Variants in DENND2A observed in about 807,000 individuals in gnomAD.
DENND2A encodes DENN domain-containing protein 2A.
DENND2A carries 53 observed loss-of-function variants against 105.3 expected under a neutral mutation model. That is an observed-to-expected ratio of 0.50 (90% confidence interval 0.40 to 0.63). The LOEUF is 0.63. Among genes scored for constraint, DENND2A ranks in the 30% least tolerant of loss-of-function variants. DENND2A has a pLI of 0.00. For synonymous variants in DENND2A, 522 were observed against 508.4 expected (o/e 1.03, Z -0.36); for missense variants, 1,138 against 1,279.6 (o/e 0.89, Z 1.69).
intron 1 of DENND2A, among the ~76,000 whole-genome samples, chr7:140,618,010 T>A (rs1211408370): frequency 6.6e-6 from 1 of 152,228 alleles, no homozygotes; most frequent in East Asian, 1.9e-4. Flanking sequence ...TCATGCTTTT[T>A]ACCATTCTCC....
intron 5 of DENND2A, among the ~76,000 whole-genome samples, chr7:140,579,580 A>ACTC (rs1798450793): frequency 6.6e-6 from 1 of 151,854 alleles, no homozygotes; most frequent in African/African-American, 2.4e-5. Context: ...TTCAGTAGAG[A>ACTC]CGAGGTTTTG....
At chr7:140,563,931 A>G (rs1797733586) in intron 9 of DENND2A, among the ~76,000 whole-genome samples, 1 of 152,126 alleles carries the variant, frequency 6.6e-6, no homozygotes, top group South Asian at 2.1e-4. Flanking sequence ...GTGAGCTGTG[A>G]TCGTGCCACT....
rs549460458 is a variant in DENND2A, at chr7:140,622,342, G to A, written c.-247-16536C>T. 2.2e-3 allele frequency among the ~76,000 whole-genome samples: 339 copies of A among 152,054 alleles called. 3 individuals are homozygous for A. Among genetic ancestry groups the A allele is most frequent in the African/African-American group, 8.0e-3 (330 of 41,466 alleles). On this transcript the variant is annotated intron_variant, in intron 1 of 19. Coordinates refer to ENST00000496613, the MANE Select transcript of DENND2A (RefSeq NM_015689.5). ...ACCTGGGAGGCGGAGGTTGCAGTGA[G>A]CGAAGATTGCACCACTGCACTCCAG...
Position 140,573,899 on chromosome 7 carries a change from AT to A in DENND2A, c.1354del (p.Ile452SerfsTer49). 1.2e-6 allele frequency: 2 copies of A among 1,614,028 alleles called. No individual in the cohort carries two copies. The highest frequency in any genetic ancestry group is 1.7e-6 in the Non-Finnish European group (2 of 1,179,988). On this transcript the variant is annotated frameshift_variant, in exon 6 of 20. Coordinates refer to ENST00000496613, the MANE Select transcript of DENND2A (RefSeq NM_015689.5). LOFTEE classifies it high-confidence loss of function. ...GCTGCTGGGAGTGGAGGGAGGGCTG[AT>A]TTTGGAAGGGGACCCAGTTCCATCC... is the stretch of plus-strand genomic sequence containing the variant. ...SRDGTGSPSK[I>X]SPPSTPSSPD...
At chr7:140,611,644 A>G (rs1337452110) in intron 1 of DENND2A, among the ~76,000 whole-genome samples, 1 of 152,234 alleles carries the variant, frequency 6.6e-6, no homozygotes, top group Non-Finnish European at 1.5e-5. Context: ...ACATAAAGGA[A>G]TGAAGCACTG....
At chr7:140,567,298 G>C in intron 8 of DENND2A, 25 bp from the exon 9 acceptor site, 3 of 1,081,520 alleles carry the variant, frequency 2.8e-6, no homozygotes, top group East Asian at 5.5e-5. Flanking sequence ...GAGAGAGAAA[G>C]AGAGAAAGAG....
chr7:140,532,973 CAAAG>C (rs1385857122), intron 14 of DENND2A, among the ~76,000 whole-genome samples: 1 of 146,718 alleles, frequency 6.8e-6, no homozygotes, highest in East Asian at 2.0e-4. Context: ...TTTCCCAACT[CAAAG>C]AAAAGGCTAC....
At chr7:140,566,300 G>A (rs936158032) in intron 9 of DENND2A, among the ~76,000 whole-genome samples, 7 of 152,146 alleles carry the variant, frequency 4.6e-5, no homozygotes, top group Non-Finnish European at 8.8e-5. Flanking sequence ...CCAAAGTACT[G>A]GGATTACAGG....
At chr7:140,584,420 C>T (rs1032695783) in intron 5 of DENND2A, among the ~76,000 whole-genome samples, 16 of 152,054 alleles carry the variant, frequency 1.1e-4, no homozygotes, top group Admixed American at 7.9e-4. Flanking sequence ...AGAGAGAGTG[C>T]GCATGTCCCA....
intron 1 of DENND2A, among the ~76,000 whole-genome samples, chr7:140,628,011 C>T (rs1800598488): frequency 6.6e-6 from 1 of 152,042 alleles, no homozygotes; most frequent in Non-Finnish European, 1.5e-5. Context: ...AGGCTTGTCT[C>T]GAACTTGACC....
intron 12 of DENND2A, among the ~76,000 whole-genome samples, chr7:140,552,282 TTTTC>T (rs1319014747): frequency 6.6e-6 from 1 of 152,010 alleles, no homozygotes; most frequent in Non-Finnish European, 1.5e-5. Flanking sequence ...ATAGCATTCA[TTTTC>T]TTTCTTTCTT....
intron 1 of DENND2A, among the ~76,000 whole-genome samples, chr7:140,617,364 A>G (rs1437258043): frequency 2.0e-5 from 3 of 152,232 alleles, no homozygotes; most frequent in African/African-American, 7.2e-5. Context: ...GACCAGGAGC[A>G]TCAACGGAGT....
At chr7:140,616,891 T>C (rs1478256349) in intron 1 of DENND2A, among the ~76,000 whole-genome samples, 1 of 152,220 alleles carries the variant, frequency 6.6e-6, no homozygotes, top group Non-Finnish European at 1.5e-5. Context: ...AAAGTCTTGC[T>C]CTGTCACCCA....
At chr7:140,542,359 G>A (rs1192132760) in intron 14 of DENND2A, among the ~76,000 whole-genome samples, 1 of 152,034 alleles carries the variant, frequency 6.6e-6, no homozygotes, top group African/African-American at 2.4e-5. Context: ...GCCTCCTATG[G>A]GGCACTGAGT....
intron 1 of DENND2A, among the ~76,000 whole-genome samples, chr7:140,611,085 G>A (rs1324322648): frequency 6.6e-6 from 1 of 152,124 alleles, no homozygotes; most frequent in Admixed American, 6.5e-5. Context: ...CACTCCTGTT[G>A]CCCAGGCTGG....
In DENND2A at chr7:140,559,972, G is replaced by A. The variant is rs1213414215; in HGVS notation, c.1780-155C>T. ...AAGAGCTTGCAGCTCAGTCGGCTGGGGCATTTTCCCCCCAGTGCACTTCCA... is the reference window on the plus strand; with the variant it reads ...AAGAGCTTGCAGCTCAGTCGGCTGGAGCATTTTCCCCCCAGTGCACTTCCA... On this transcript the variant is annotated intron_variant, in intron 9 of 19. Transcript: ENST00000496613. This position sits in a 1 kb window ranked among gnomAD's most constrained non-coding sequence, Gnocchi z 4.1. 6.6e-6 allele frequency among the ~76,000 whole-genome samples: 1 copy of A among 152,070 alleles called. No individual in the cohort carries two copies. The highest frequency in any genetic ancestry group is 3.2e-3 in the Middle Eastern group (1 of 316).
At chr7:140,548,876 G>A (rs1797008213) in intron 12 of DENND2A, among the ~76,000 whole-genome samples, 1 of 151,846 alleles carries the variant, frequency 6.6e-6, no homozygotes. Flanking sequence ...GCTTCCCAGT[G>A]TTGGGATTAC....
chr7:140,598,023 G>GA (rs1799349413), intron 3 of DENND2A, among the ~76,000 whole-genome samples: 1 of 149,846 alleles, frequency 6.7e-6, no homozygotes, highest in Middle Eastern at 3.2e-3. Context: ...GCAAAAAAAA[G>GA]ATAGTGCAAT....
intron 1 of DENND2A, among the ~76,000 whole-genome samples, chr7:140,632,850 C>A: frequency 6.6e-6 from 1 of 150,670 alleles, no homozygotes. Context: ...CAGGCATGAG[C>A]CACCATGCCT....
Sources: allele counts gnomAD v4.1 joint callset (sites outside exome capture counted in the v4.1 genomes callset), GRCh38; gene constraint gnomAD v4.1.1; non-coding constraint Gnocchi (gnomAD v3.1); transcripts MANE v1.5; gene names NCBI Gene and HGNC (gene_info 2026-07-23, HGNC 2026-07-21).